Variants in NKAIN2 observed in about 807,000 individuals in gnomAD.
The protein encoded by NKAIN2 is sodium/potassium-transporting ATPase subunit beta-1-interacting protein 2.
A neutral mutation model predicts 32.6 loss-of-function variants in NKAIN2; 14 were observed. The observed-to-expected ratio is 0.43, with a 90% confidence interval of 0.28 to 0.67. The LOEUF is 0.67. Ranked by LOEUF, NKAIN2 falls within the 30% of genes least tolerant of loss-of-function variation. The pLI is 0.17. For synonymous variants in NKAIN2, 80 were observed against 87.2 expected (o/e 0.92, Z 0.46); for missense variants, 198 against 258.3 (o/e 0.77, Z 1.60).
rs566412328 is a variant in NKAIN2, at chr6:124,348,466, T to C, written c.193-6801T>C. On this transcript the variant is annotated intron_variant, in intron 2 of 6. Transcript: ENST00000368417. ...AGCCTACAGAGGCAGGCAGGCCTCC[T>C]TGAGCTGTGGTGGGCTGCACCCAGT... Among the ~76,000 whole-genome samples the C allele has an allele frequency of 2.0e-5, 3 of 152,350 alleles. 1 individual carries two copies. In the South Asian group the frequency reaches 6.2e-4, roughly 32 times the overall value.
intron 3 of NKAIN2, among the ~76,000 whole-genome samples, chr6:124,509,343 C>T (rs774380395): frequency 1.3e-5 from 2 of 152,058 alleles, no homozygotes; most frequent in East Asian, 1.9e-4. Context: ...CCTAGAGAAC[C>T]GAAAGAAGAC....
chr6:124,000,775 G>A (rs1367289062), intron 1 of NKAIN2, among the ~76,000 whole-genome samples: 1 of 151,966 alleles, frequency 6.6e-6, no homozygotes, highest in African/African-American at 2.4e-5. Flanking sequence ...TTCCACTCTG[G>A]TAGACTAAAT....
chr6:124,815,130 C>T (rs909796560), intron 5 of NKAIN2, among the ~76,000 whole-genome samples: 1 of 150,600 alleles, frequency 6.6e-6, no homozygotes, highest in Non-Finnish European at 1.5e-5. Flanking sequence ...AAAACTAGTC[C>T]TTAATTTAGT....
chr6:124,540,961 C>CT (rs1236363172), intron 3 of NKAIN2, among the ~76,000 whole-genome samples: 2 of 152,126 alleles, frequency 1.3e-5, no homozygotes, highest in Non-Finnish European at 1.5e-5. Flanking sequence ...CCCTTTTCAA[C>CT]TTATCATGGG....
chr6:124,394,456 G>GAGAT (rs59551274), intron 3 of NKAIN2, among the ~76,000 whole-genome samples: 50,854 of 143,364 alleles, frequency 0.35, 8,940 homozygotes, highest in Middle Eastern at 0.41. Context: ...GAATCAATAT[G>GAGAT]AGATAGATAG....
chr6:124,534,309 A>G (rs933167889), intron 3 of NKAIN2, among the ~76,000 whole-genome samples: 7 of 151,946 alleles, frequency 4.6e-5, no homozygotes, highest in Admixed American at 2.6e-4. Context: ...CACCACCACA[A>G]CCAGCTAATT....
At chr6:124,555,764 G>T (rs529376553) in intron 3 of NKAIN2, among the ~76,000 whole-genome samples, 2 of 152,278 alleles carry the variant, frequency 1.3e-5, no homozygotes, top group South Asian at 2.1e-4. Context: ...GCATTATCAA[G>T]ATAGCCCTAT....
intron 1 of NKAIN2, among the ~76,000 whole-genome samples, chr6:123,811,906 G>T (rs754723343): frequency 6.7e-6 from 1 of 149,396 alleles, no homozygotes; most frequent in South Asian, 2.3e-4. Flanking sequence ...CCTGATATAC[G>T]TACTTTAAGT....
chr6:124,040,796 C>A (rs950307541), intron 1 of NKAIN2, among the ~76,000 whole-genome samples: 2 of 151,806 alleles, frequency 1.3e-5, no homozygotes. Context: ...TCAGTCTTCC[C>A]ATATATAAAA....
At chr6:123,966,891 A>C (rs1778105102) in intron 1 of NKAIN2, among the ~76,000 whole-genome samples, 1 of 152,170 alleles carries the variant, frequency 6.6e-6, no homozygotes, top group Non-Finnish European at 1.5e-5. Flanking sequence ...CTCTCATGAC[A>C]TTTCCAATCT....
chr6:123,949,895 T>C (rs974212573), intron 1 of NKAIN2, among the ~76,000 whole-genome samples: 3 of 152,036 alleles, frequency 2.0e-5, no homozygotes, highest in Non-Finnish European at 2.9e-5. Flanking sequence ...GAGGAAAGAC[T>C]TTCAGCTTTT....
intron 1 of NKAIN2, among the ~76,000 whole-genome samples, chr6:124,154,577 C>G (rs889489139): frequency 1.3e-5 from 2 of 151,928 alleles, no homozygotes; most frequent in Admixed American, 1.3e-4. Flanking sequence ...TTCTAGCCCA[C>G]CTTAACTCTA....
At chr6:124,415,925 C>CT (rs1452576357) in intron 3 of NKAIN2, among the ~76,000 whole-genome samples, 1 of 85,652 alleles carries the variant, frequency 1.2e-5, no homozygotes, top group Non-Finnish European at 2.2e-5. Flanking sequence ...ATGTTAAAGT[C>CT]TTATCTTCTC....
chr6:124,094,501 C>G (rs926377837), intron 1 of NKAIN2, among the ~76,000 whole-genome samples: 1 of 152,048 alleles, frequency 6.6e-6, no homozygotes, highest in Non-Finnish European at 1.5e-5. Context: ...ATGTTAGGTG[C>G]TTTTCTTTGT....
intron 3 of NKAIN2, among the ~76,000 whole-genome samples, chr6:124,538,289 G>T (rs1583407721): frequency 1.3e-5 from 2 of 151,842 alleles, no homozygotes; most frequent in South Asian, 4.2e-4. Flanking sequence ...GTTATTTTCT[G>T]AGGGTGTCTT....
At chr6:124,040,143 T>C (rs1044671003) in intron 1 of NKAIN2, among the ~76,000 whole-genome samples, 2 of 151,938 alleles carry the variant, frequency 1.3e-5, no homozygotes, top group African/African-American at 4.8e-5. Flanking sequence ...TGAAGGGGAG[T>C]GAGCCTTAAA....
At chr6:123,815,737 A>G (rs1343568284) in intron 1 of NKAIN2, among the ~76,000 whole-genome samples, 1 of 152,134 alleles carries the variant, frequency 6.6e-6, no homozygotes, top group East Asian at 1.9e-4. Context: ...CTCAGGAAAC[A>G]TTTAAGAGAT....
At position 123,804,046 on chromosome 6, in the gene NKAIN2, C is replaced by T. The variant is rs1773105137; in HGVS notation, c.-155C>T. The stretch of plus-strand genomic sequence containing the variant: ...CCGCCGCGCCAGCAGGTCCTAATGC[C>T]TGTCACTTCCCAGGACGCTGGCAGC... On this transcript the variant is annotated 5_prime_UTR_variant, in exon 1 of 7. Transcript: ENST00000368417. The T allele has an allele frequency of 5.3e-6, 4 of 757,058 alleles. No homozygotes were observed. The highest frequency in any genetic ancestry group is 4.5e-5 in the South Asian group (3 of 66,536). 46.9% of individuals were successfully genotyped at this position (757,058 alleles called of 1,614,324 possible). A position where few individuals can be genotyped will look rare whatever the true frequency, so the allele number is the denominator to read the frequency against.
intron 1 of NKAIN2, among the ~76,000 whole-genome samples, chr6:123,873,790 G>A (rs549589138): frequency 1.4e-4 from 22 of 152,284 alleles, no homozygotes; most frequent in African/African-American, 5.3e-4. Flanking sequence ...CTTTCGTTAT[G>A]CCTATAATTA....
Sources: gnomAD v4.1 joint callset for allele counts (sites outside exome capture counted in the v4.1 genomes callset) on GRCh38, gnomAD v4.1.1 for gene constraint, MANE v1.5 for transcripts, NCBI Gene and HGNC (gene_info 2026-07-23, HGNC 2026-07-21) for gene names.